HSD17B11: variants seen among roughly 807,000 people sequenced by gnomAD.
HSD17B11 encodes the protein estradiol 17-beta-dehydrogenase 11.
Under a neutral mutation model 27.8 loss-of-function variants are expected in HSD17B11, and 22 were observed. The observed-to-expected ratio is 0.79, with a 90% CI of 0.56 to 1.13. The LOEUF is 1.13. Ranked by LOEUF, HSD17B11 falls within the 50% of genes most tolerant of loss-of-function variation. HSD17B11 has a pLI of 0.00. For missense variants in HSD17B11, 314 were observed against 351.1 expected, an observed-to-expected ratio of 0.89 and a Z score of 0.84; for synonymous variants, 117 against 132.8, an observed-to-expected ratio of 0.88 and a Z score of 0.82.
At chr4:87,352,854 G>A (rs796184257) in intron 5 of HSD17B11, among the ~76,000 whole-genome samples, 14 of 50,258 alleles carry the variant, frequency 2.8e-4, no homozygotes, top group African/African-American at 1.5e-3. Context: ...TCTGAAAAGC[G>A]CAATATTCGG....
chr4:87,374,510 ATGT>A, intron 3 of HSD17B11, 186 bp downstream of exon 3: 1 of 446,726 alleles, frequency 2.2e-6, no homozygotes, highest in South Asian at 3.2e-5. Flanking sequence ...GTTATTATTA[ATGT>A]TGTCAGTGAG....
chr4:87,343,937 C>T (rs1193193558), intron 5 of HSD17B11, among the ~76,000 whole-genome samples: 1 of 152,082 alleles, frequency 6.6e-6, no homozygotes, highest in Non-Finnish European at 1.5e-5. Flanking sequence ...AATGTTTAAC[C>T]ACTGGCTCTC....
intron 1 of HSD17B11, 132 bp from the exon 2 acceptor site, chr4:87,382,494 A>G: frequency 3.5e-6 from 2 of 572,970 alleles, no homozygotes; most frequent in Non-Finnish European, 6.0e-6. Context: ...GATTGTTAAC[A>G]ACACATTTTT....
chr4:87,387,695 T>C (rs1720356264), intron 1 of HSD17B11, among the ~76,000 whole-genome samples: 1 of 152,226 alleles, frequency 6.6e-6, no homozygotes, highest in Non-Finnish European at 1.5e-5. Flanking sequence ...ATGACCCTCA[T>C]ATGTTATCAT....
At chr4:87,342,415 G>A (rs1216233867) in intron 5 of HSD17B11, among the ~76,000 whole-genome samples, 1 of 148,194 alleles carries the variant, frequency 6.7e-6, no homozygotes, top group Non-Finnish European at 1.5e-5. Context: ...GAGGCAAAAA[G>A]TACTGGATGT....
intron 2 of HSD17B11, 32 bp downstream of exon 2, chr4:87,382,223 T>C (rs766448211): frequency 6.6e-7 from 1 of 1,504,100 alleles, no homozygotes. Flanking sequence ...AGCTCTAACA[T>C]GATATGATTC....
intron 6 of HSD17B11, among the ~76,000 whole-genome samples, chr4:87,337,653 C>T (rs1560756269): frequency 6.6e-6 from 1 of 151,938 alleles, no homozygotes; most frequent in Non-Finnish European, 1.5e-5. Context: ...AGTTGAGATA[C>T]TAAAGACTTT....
At chr4:87,367,352 A>T (rs1301421065) in intron 4 of HSD17B11, among the ~76,000 whole-genome samples, 6 of 152,166 alleles carry the variant, frequency 3.9e-5, no homozygotes, top group Non-Finnish European at 4.4e-5. Flanking sequence ...TCACTTTCTT[A>T]CAGGTCCAGG....
At chr4:87,345,849 T>C (rs1235085993) in intron 5 of HSD17B11, among the ~76,000 whole-genome samples, 1 of 152,146 alleles carries the variant, frequency 6.6e-6, no homozygotes, top group Non-Finnish European at 1.5e-5. Flanking sequence ...GATGGCTTCA[T>C]AATGAATTCT....
intron 4 of HSD17B11, among the ~76,000 whole-genome samples, chr4:87,358,147 G>A (rs1004000041): frequency 2.6e-5 from 4 of 151,858 alleles, no homozygotes; most frequent in African/African-American, 9.7e-5. Context: ...ATTTTTAGTA[G>A]AGACGGGTTT....
chr4:87,370,154 C>T (rs1236681460), intron 4 of HSD17B11, among the ~76,000 whole-genome samples: 2 of 152,148 alleles, frequency 1.3e-5, no homozygotes, highest in Non-Finnish European at 2.9e-5. Flanking sequence ...AGGATCAATA[C>T]TCTTATTTTT....
intron 4 of HSD17B11, among the ~76,000 whole-genome samples, chr4:87,362,645 G>C (rs199611193): frequency 6.6e-6 from 1 of 152,068 alleles, no homozygotes; most frequent in Non-Finnish European, 1.5e-5. Flanking sequence ...GTTAACTGCT[G>C]TTCTCTTTGG....
chr4:87,381,781 AAAG>A (rs1720178598), intron 2 of HSD17B11, among the ~76,000 whole-genome samples: 1 of 151,872 alleles, frequency 6.6e-6, no homozygotes, highest in Non-Finnish European at 1.5e-5. Context: ...AAAAAAGAGA[AAAG>A]AAAAGAAATA....
rs913588295 is a variant in HSD17B11 at position 87,391,057 on chromosome 4, A to G, written c.14T>C (p.Leu5Pro). The change falls in exon 1 of 7, where the codon CTG becomes CCG. Residue 5 changes from leucine to proline, a missense_variant. Leu to Pro is a moderately conservative substitution (Grantham distance 98, BLOSUM62 -3). Coordinates refer to ENST00000358290, the MANE Select transcript of HSD17B11 (RefSeq NM_016245.5). Reference sequence around the variant, plus strand: ...TAACGGGAGAAGCAGGAGGATGTCCAGAAGAAATTTCATCCCTTTTGTGGC... The same window carrying G: ...TAACGGGAGAAGCAGGAGGATGTCCGGAAGAAATTTCATCCCTTTTGTGGC... MKFL[L>P]DILLLLPLLI... The G allele has an allele frequency of 3.1e-6, 5 of 1,612,830 alleles. No homozygotes were observed. The highest frequency in any genetic ancestry group is 4.2e-6 in the Non-Finnish European group (5 of 1,179,596).
At chr4:87,366,123 T>G (rs1249063506) in intron 4 of HSD17B11, 1 of 152,246 alleles carries the variant, frequency 6.6e-6, no homozygotes, top group African/African-American at 2.4e-5. Context: ...CCCAAAGTGT[T>G]GGGATATACA....
At chr4:87,361,227 C>G (rs1380457625) in intron 4 of HSD17B11, among the ~76,000 whole-genome samples, 1 of 152,134 alleles carries the variant, frequency 6.6e-6, no homozygotes, top group Non-Finnish European at 1.5e-5. Context: ...CCCACCAAAA[C>G]CAAAATGGCC....
chr4:87,379,583 C>T (rs113121594), intron 2 of HSD17B11, among the ~76,000 whole-genome samples: 5,665 of 144,950 alleles, frequency 0.039, 405 homozygotes, highest in African/African-American at 0.14. Context: ...TATATACATA[C>T]ACAGCATTAT....
chr4:87,372,342 T>C (rs1195571257), intron 4 of HSD17B11, among the ~76,000 whole-genome samples: 2 of 151,690 alleles, frequency 1.3e-5, no homozygotes, highest in African/African-American at 4.8e-5. Context: ...TTTTTATTAA[T>C]ATTAAAAATT....
At chr4:87,380,470 C>CAAAAAAAAAAAAAAAAA (rs759061081) in intron 2 of HSD17B11, among the ~76,000 whole-genome samples, 2 of 39,046 alleles carry the variant, frequency 5.1e-5, no homozygotes, top group Admixed American at 3.0e-4. Context: ...AAGACTGTCT[C>CAAAAAAAAAAAAAAAAA]AAAAAAAAAA....
Sources: allele counts gnomAD v4.1 joint callset (sites outside exome capture counted in the v4.1 genomes callset), GRCh38; gene constraint gnomAD v4.1.1; transcripts MANE v1.5; gene names NCBI Gene and HGNC (gene_info 2026-07-23, HGNC 2026-07-21).